The following SIL1 variants were observed in gnomAD, a reference collection of about 807,000 sequenced individuals.
The protein encoded by SIL1 is SIL1 nucleotide exchange factor, also known as nucleotide exchange factor SIL1.
SIL1 carries 40 observed loss-of-function variants against 49.1 expected under a neutral mutation model. The ratio of observed to expected loss-of-function variants is 0.81; its 90% CI spans 0.63 to 1.06. The LOEUF (loss-of-function observed/expected upper bound fraction) is 1.06, where lower values mean the gene tolerates loss of function less well. Among genes scored for constraint, SIL1 ranks in the 50% least tolerant of loss-of-function variants. The pLI, the probability that SIL1 is intolerant of heterozygous loss-of-function variation, is 0.00. For synonymous variants in SIL1, 253 were observed against 250.8 expected (o/e 1.01, Z -0.08); for missense variants, 500 against 572.6 (o/e 0.87, Z 1.29).
chr5:139,003,213 GA>G (rs1279943448), intron 7 of SIL1, among the ~76,000 whole-genome samples: 7 of 152,084 alleles, frequency 4.6e-5, no homozygotes, highest in African/African-American at 1.7e-4. Context: ...CTGAAGAAGG[GA>G]CTCTCCCACC....
intron 7 of SIL1, among the ~76,000 whole-genome samples, chr5:138,985,003 T>C (rs1767622378): frequency 6.6e-6 from 1 of 152,114 alleles, no homozygotes; most frequent in Non-Finnish European, 1.5e-5. Context: ...CCAGAGCAGC[T>C]AGAGGGGCCG....
chr5:139,186,591 G>A (rs984983404), intron 1 of SIL1, among the ~76,000 whole-genome samples: 16 of 152,114 alleles, frequency 1.1e-4, no homozygotes, highest in Admixed American at 1.3e-4. Context: ...TAAGCACTCC[G>A]GTTTGACACA....
chr5:139,065,630 T>C lies in SIL1; in HGVS notation c.245-14584A>G, dbSNP rs926743194. 6.6e-5 allele frequency among the ~76,000 whole-genome samples: 10 copies of C among 152,328 alleles called. No individual in the cohort carries two copies. In the Middle Eastern group the frequency reaches 0.014, roughly 207 times the overall value. ...CACAAGGTTGGTGCTCCAGCAAAGC[T>C]GCTGCTGTGCACACTTCCAACAAGC... On this transcript the variant is annotated intron_variant, in intron 3 of 9. Transcript: ENST00000394817.
At chr5:138,950,421 G>A (rs1766742570) in intron 9 of SIL1, among the ~76,000 whole-genome samples, 1 of 152,244 alleles carries the variant, frequency 6.6e-6, no homozygotes, top group South Asian at 2.1e-4. Flanking sequence ...CTGCCTGGGA[G>A]AGAAGGCCTG....
intron 1 of SIL1, among the ~76,000 whole-genome samples, chr5:139,170,397 GC>G (rs777675317): frequency 9.7e-4 from 146 of 150,778 alleles, no homozygotes; most frequent in Non-Finnish European, 1.6e-3. Context: ...TCTCTGCCCG[GC>G]CGCCATCCCA....
intron 3 of SIL1, among the ~76,000 whole-genome samples, chr5:139,054,006 T>C (rs1769349568): frequency 6.6e-6 from 1 of 152,190 alleles, no homozygotes; most frequent in African/African-American, 2.4e-5. Flanking sequence ...GTTGGTCAAG[T>C]GAGGAGGCCC....
chr5:139,004,146 T>C (rs1296928911), intron 7 of SIL1, among the ~76,000 whole-genome samples: 3 of 152,210 alleles, frequency 2.0e-5, no homozygotes, highest in South Asian at 2.1e-4. Flanking sequence ...TCTGTCTTCA[T>C]TATTATTCGC....
chr5:138,954,133 TCCCA>T, intron 7 of SIL1, among the ~76,000 whole-genome samples: 1 of 152,112 alleles, frequency 6.6e-6, no homozygotes, highest in Non-Finnish European at 1.5e-5. Context: ...AGCAGCCCAG[TCCCA>T]CCCACTCTGT....
chr5:139,088,774 G>A (rs1770280774), intron 3 of SIL1, among the ~76,000 whole-genome samples: 1 of 152,204 alleles, frequency 6.6e-6, no homozygotes, highest in Non-Finnish European at 1.5e-5. Flanking sequence ...GACTGAGCCA[G>A]GCATGGATAT....
At chr5:139,194,851 C>T (rs1752235178) in intron 1 of SIL1, among the ~76,000 whole-genome samples, 1 of 151,812 alleles carries the variant, frequency 6.6e-6, no homozygotes, top group Non-Finnish European at 1.5e-5. Flanking sequence ...GGAGGCTGAG[C>T]AGGTCAGAGT....
chr5:139,114,529 T>C (rs756937385), intron 3 of SIL1, among the ~76,000 whole-genome samples: 2 of 152,136 alleles, frequency 1.3e-5, no homozygotes, highest in Non-Finnish European at 2.9e-5. Flanking sequence ...CCTAACAAGC[T>C]TGTATTACCA....
chr5:139,151,594 T>C (rs1751302436), intron 1 of SIL1, among the ~76,000 whole-genome samples: 1 of 152,226 alleles, frequency 6.6e-6, no homozygotes, highest in Non-Finnish European at 1.5e-5. Context: ...AAAATTTATC[T>C]AATTTGGCTT....
At chr5:138,997,792 C>T (rs1439974706) in intron 7 of SIL1, among the ~76,000 whole-genome samples, 1 of 152,220 alleles carries the variant, frequency 6.6e-6, no homozygotes, top group Non-Finnish European at 1.5e-5. Flanking sequence ...CTCCTGACCT[C>T]AAGTGATCCA....
chr5:139,109,615 A>AC (rs1770797223), intron 3 of SIL1, among the ~76,000 whole-genome samples: 1 of 151,706 alleles, frequency 6.6e-6, no homozygotes, highest in African/African-American at 2.4e-5. Context: ...TCCAAAAGAG[A>AC]CCAAGAGAAA....
At chr5:139,145,887 C>T (rs146169535) in intron 1 of SIL1, among the ~76,000 whole-genome samples, 131 of 149,898 alleles carry the variant, frequency 8.7e-4, no homozygotes, top group African/African-American at 2.9e-3. Context: ...AGAGAGACCT[C>T]TATCTCTTAA....
At chr5:139,193,587 G>C (rs1418599695) in intron 1 of SIL1, among the ~76,000 whole-genome samples, 1 of 152,080 alleles carries the variant, frequency 6.6e-6, no homozygotes, top group Non-Finnish European at 1.5e-5. Flanking sequence ...TTCCACTGGG[G>C]AGTAGACAAT....
In SIL1 at chr5:138,952,057, G is replaced by A. The variant is rs913560234; in HGVS notation, c.768-173C>T. ...CAAAGACCATCTGGCACAGACCCAC[G>A]TGGGAACAGCGGCCCACAGCACAGG... On this transcript the variant is annotated intron_variant, in intron 7 of 9. Transcript: ENST00000394817. Among the ~76,000 whole-genome samples, 9 of 152,290 alleles carry A rather than the reference G, an allele frequency of 5.9e-5. No individual in the cohort carries two copies. In the East Asian group the frequency reaches 1.4e-3, roughly 23 times the overall value.
intron 1 of SIL1, among the ~76,000 whole-genome samples, chr5:139,137,806 A>C (rs1350736428): frequency 6.6e-6 from 1 of 151,914 alleles, no homozygotes; most frequent in Non-Finnish European, 1.5e-5. Context: ...TAGAAAGGAC[A>C]GAAATTTTTA....
Position 138,947,200 on chromosome 5 carries a change from G to C in SIL1, c.1303C>G (p.Leu435Val). ...TCGTCCTCACCATCCTGCAGCTCCA[G>C]GCTGGCCAGCACCTGGTACTCAGCC... ...LQAEYQVLAS[L>V]ELQDGEDEGY... The change falls in exon 10 of 10, where the codon CTG becomes GTG. Residue 435 changes from leucine (L) to valine (V), a missense_variant. By Grantham distance (32) the Leu-to-Val change is conservative (BLOSUM62 1). Transcript: ENST00000394817. This position sits in a 1 kb window ranked among gnomAD's most constrained non-coding sequence, Gnocchi z 4.1. 1 of 1,613,520 alleles carries C rather than the reference G, an allele frequency of 6.2e-7. No homozygotes were observed. Among genetic ancestry groups the C allele is most frequent in the South Asian group, 1.1e-5 (1 of 91,080 alleles).
Sources: allele counts gnomAD v4.1 joint callset (sites outside exome capture counted in the v4.1 genomes callset), GRCh38; gene constraint gnomAD v4.1.1; non-coding constraint Gnocchi (gnomAD v3.1); transcripts MANE v1.5; gene names NCBI Gene and HGNC (gene_info 2026-07-23, HGNC 2026-07-21).